Variants in INSL6 observed in about 807,000 individuals in gnomAD.
INSL6 encodes the protein insulin-like peptide INSL6.
A neutral mutation model predicts 9.4 loss-of-function variants in INSL6; 16 were observed. The observed-to-expected ratio is 1.70, with a 90% CI of 1.15 to 2.59. The LOEUF (loss-of-function observed/expected upper bound fraction) is 2.59, where lower values mean the gene tolerates loss of function less well. Among genes scored for constraint, INSL6 ranks in the 30% most tolerant of loss-of-function variants. The pLI is 0.00. For synonymous variants in INSL6, 154 were observed against 96.9 expected (o/e 1.59, Z -3.46); for missense variants, 391 against 257.3 (o/e 1.52, Z -3.56).
At chr9:5,069,700 A>G in the INSL6 span, among the ~76,000 whole-genome samples, 143 of 152,274 alleles carry the variant, frequency 9.4e-4, 1 homozygote, top group South Asian at 8.5e-3. Flanking sequence ...TCCAAATTAC[A>G]TTAGTTAAGG....
the INSL6 span, among the ~76,000 whole-genome samples, chr9:5,102,023 C>A: frequency 5.3e-5 from 8 of 152,172 alleles, no homozygotes; most frequent in African/African-American, 1.9e-4. Context: ...TCCTTGCCAG[C>A]TGGATGGAGA....
the INSL6 span, among the ~76,000 whole-genome samples, chr9:5,035,656 A>G: frequency 6.6e-6 from 1 of 152,254 alleles, no homozygotes; most frequent in South Asian, 2.1e-4. Flanking sequence ...CAGAGGCAGA[A>G]AAGGTCTTTG....
chr9:5,124,244 T>A (rs1162719754), exon 4 of INSL6, among the ~76,000 whole-genome samples: 1 of 151,956 alleles, frequency 6.6e-6, no homozygotes, highest in Non-Finnish European at 1.5e-5. Context: ...TTTGGTTTTG[T>A]TGCCTATGCT....
the INSL6 span, among the ~76,000 whole-genome samples, chr9:5,048,211 G>A: frequency 0.012 from 1,754 of 151,630 alleles, 34 homozygotes; most frequent in African/African-American, 0.038. Flanking sequence ...GCGTGATCTC[G>A]GCTCACTGCA....
chr9:5,138,883 G>A (rs1032031222), intron 2 of INSL6, among the ~76,000 whole-genome samples: 12 of 150,194 alleles, frequency 8.0e-5, no homozygotes, highest in Admixed American at 3.3e-4. Context: ...CTCTTCTGTC[G>A]GGTTGTTTTT....
the INSL6 span, among the ~76,000 whole-genome samples, chr9:5,008,188 A>G: frequency 1.3e-5 from 2 of 152,360 alleles, no homozygotes; most frequent in South Asian, 4.1e-4. Flanking sequence ...CATAAAGTCA[A>G]TATTATGGGT....
chr9:5,049,780 A>G, the INSL6 span, among the ~76,000 whole-genome samples: 3 of 152,232 alleles, frequency 2.0e-5, 1 homozygote, highest in South Asian at 4.1e-4. Context: ...ACAAACCTAT[A>G]TGTTATAGCC....
intron 2 of INSL6, among the ~76,000 whole-genome samples, chr9:5,149,825 C>T (rs1203669834): frequency 6.6e-6 from 1 of 152,132 alleles, no homozygotes; most frequent in Non-Finnish European, 1.5e-5. Flanking sequence ...CTGGAGGTAT[C>T]ACATTATGTG....
At chr9:5,096,844 C>T in the INSL6 span, 1 of 152,212 alleles carries the variant, frequency 6.6e-6, no homozygotes, top group East Asian at 1.9e-4. Flanking sequence ...ATTGTTACCG[C>T]CCACGAATTT....
intron 1 of INSL6, among the ~76,000 whole-genome samples, chr9:5,170,370 T>A (rs1035168255): frequency 3.3e-5 from 5 of 152,130 alleles, no homozygotes; most frequent in Admixed American, 1.3e-4. Context: ...CAGGAAACTT[T>A]ATAGCGCTAA....
At chr9:5,066,903 A>G in the INSL6 span, 4 of 422,360 alleles carry the variant, frequency 9.5e-6, no homozygotes, top group Non-Finnish European at 1.6e-5. Flanking sequence ...TTTGGATATG[A>G]TAACTAGTAT....
At chr9:5,041,741 C>T in the INSL6 span, 1 of 492,446 alleles carries the variant, frequency 2.0e-6, no homozygotes, top group Non-Finnish European at 4.0e-6. Context: ...CCTTGGCGAC[C>T]CCCATCAGCA....
the INSL6 span, among the ~76,000 whole-genome samples, chr9:5,059,915 A>G: frequency 6.6e-6 from 1 of 152,204 alleles, no homozygotes; most frequent in Non-Finnish European, 1.5e-5. Context: ...ATCAATCTGT[A>G]GAGTCTCTAT....
At chr9:4,994,162 T>C in the INSL6 span, among the ~76,000 whole-genome samples, 8 of 152,372 alleles carry the variant, frequency 5.3e-5, no homozygotes, top group South Asian at 8.3e-4. Flanking sequence ...TTGGAATCTT[T>C]ACTTAGAAGT....
intron 1 of INSL6, among the ~76,000 whole-genome samples, chr9:5,166,157 A>G (rs1429483153): frequency 6.6e-6 from 1 of 152,250 alleles, no homozygotes; most frequent in Non-Finnish European, 1.5e-5. Context: ...ATAAAGGAAC[A>G]TAAACACACG....
At chr9:5,052,961 A>G in the INSL6 span, among the ~76,000 whole-genome samples, 1 of 152,072 alleles carries the variant, frequency 6.6e-6, no homozygotes, top group Admixed American at 6.6e-5. Context: ...GAACAGTTGT[A>G]TATGAGTAAT....
chr9:5,029,470 G>A, the INSL6 span, among the ~76,000 whole-genome samples: 2 of 152,158 alleles, frequency 1.3e-5, no homozygotes, highest in Admixed American at 6.5e-5. Flanking sequence ...AGCACGTGCT[G>A]TTGGAAAAAT....
chr9:5,180,094 G>C (rs936067260), intron 1 of INSL6, among the ~76,000 whole-genome samples: 5 of 152,212 alleles, frequency 3.3e-5, no homozygotes, highest in African/African-American at 1.2e-4. Context: ...GGACCGGCTG[G>C]AGCCATGGCA....
the INSL6 span, chr9:5,055,562 CT>C: frequency 2.3e-6 from 2 of 871,306 alleles, no homozygotes; most frequent in Non-Finnish European, 1.7e-6. Flanking sequence ...TTATCAATAC[CT>C]TTTTTATTTT....
Sources: gnomAD v4.1 joint callset for allele counts (sites outside exome capture counted in the v4.1 genomes callset) on GRCh38, gnomAD v4.1.1 for gene constraint, MANE v1.5 for transcripts, NCBI Gene and HGNC (gene_info 2026-07-23, HGNC 2026-07-21) for gene names.